Variants in RAB37 observed in about 807,000 individuals in gnomAD.
RAB37 encodes the protein ras-related protein Rab-37.
In RAB37, 29 loss-of-function variants were observed where a neutral mutation model predicts 33.1. The observed-to-expected ratio is 0.88, with a 90% confidence interval of 0.65 to 1.20. RAB37 has a LOEUF of 1.20. RAB37 is among the 50% of genes most tolerant of loss of function. The pLI, the probability that RAB37 is intolerant of heterozygous loss-of-function variation, is 0.00. For synonymous variants in RAB37, 128 were observed against 119.5 expected (o/e 1.07, Z -0.47); for missense variants, 299 against 301.1 (o/e 0.99, Z 0.05).
chr17:74,692,033 T>C (rs540275237), intron 1 of RAB37, among the ~76,000 whole-genome samples: 8 of 151,950 alleles, frequency 5.3e-5, no homozygotes, highest in African/African-American at 1.7e-4. Flanking sequence ...ACCCAGTTAA[T>C]TTTTTTGTAT....
chr17:74,720,081 T>C (rs2034218782), intron 1 of RAB37, among the ~76,000 whole-genome samples: 2 of 152,166 alleles, frequency 1.3e-5, no homozygotes, highest in African/African-American at 4.8e-5. Flanking sequence ...ACAGGAGAGT[T>C]CCTTTGACCC....
At chr17:74,722,752 A>G (rs1044447616) in intron 1 of RAB37, among the ~76,000 whole-genome samples, 3 of 152,200 alleles carry the variant, frequency 2.0e-5, no homozygotes, top group Admixed American at 2.0e-4. Flanking sequence ...TGTCTCGAAA[A>G]TATCTTCCCT....
chr17:74,718,949 A>G (rs572005412), intron 1 of RAB37, among the ~76,000 whole-genome samples: 1 of 152,294 alleles, frequency 6.6e-6, no homozygotes, highest in Admixed American at 6.5e-5. Context: ...AAAAACATAA[A>G]AAGTATGGCA....
intron 1 of RAB37, among the ~76,000 whole-genome samples, chr17:74,705,985 A>G (rs893137089): frequency 6.6e-6 from 1 of 152,216 alleles, no homozygotes; most frequent in Non-Finnish European, 1.5e-5. Context: ...AAGTGAATTA[A>G]CGCAGAAACA....
intron 1 of RAB37, among the ~76,000 whole-genome samples, chr17:74,728,688 G>A (rs1345810974): frequency 2.0e-5 from 3 of 150,896 alleles, no homozygotes; most frequent in Non-Finnish European, 4.4e-5. Context: ...GTGTGCATGT[G>A]TGTTCTGTGC....
At chr17:74,694,590 T>G (rs2032255635) in intron 1 of RAB37, 1 of 152,402 alleles carries the variant, frequency 6.6e-6, no homozygotes, top group East Asian at 1.9e-4. Flanking sequence ...GGTGATATTT[T>G]GGGCCCACCT....
chr17:74,716,294 A>ATGTG (rs141035209), intron 1 of RAB37, among the ~76,000 whole-genome samples: 164 of 152,102 alleles, frequency 1.1e-3, no homozygotes, highest in Non-Finnish European at 1.9e-3. Context: ...GTATGTATGT[A>ATGTG]TGTGTGTGTG....
chr17:74,679,692 C>T (rs2031913609), intron 1 of RAB37, among the ~76,000 whole-genome samples: 1 of 152,052 alleles, frequency 6.6e-6, no homozygotes, highest in Non-Finnish European at 1.5e-5. Context: ...GAAACAAAGG[C>T]CAGATGGCTG....
chr17:74,737,230 C>T (rs1567813569), upstream of RAB37: 6 of 1,537,674 alleles, frequency 3.9e-6, no homozygotes, highest in African/African-American at 1.4e-5. Context: ...CCTGCGCTCT[C>T]CTTCGCCTGC....
intron 1 of RAB37, among the ~76,000 whole-genome samples, chr17:74,723,189 A>G (rs2034263500): frequency 6.6e-6 from 1 of 152,176 alleles, no homozygotes; most frequent in African/African-American, 2.4e-5. Flanking sequence ...AGGAGAAAAT[A>G]CTCGATGGAA....
intron 1 of RAB37, among the ~76,000 whole-genome samples, chr17:74,684,270 T>TTC (rs1474233837): frequency 6.3e-4 from 96 of 151,494 alleles, no homozygotes; most frequent in Non-Finnish European, 1.1e-3. Context: ...TGTTAATTTT[T>TTC]TTTTTTTTTT....
chr17:74,704,424 G>C, intron 1 of RAB37: 1 of 1,280,750 alleles, frequency 7.8e-7, no homozygotes, highest in East Asian at 2.3e-5. Context: ...GGACCTCAGA[G>C]ACCAGGACAG....
chr17:74,702,308 A>G (rs1252272168), intron 1 of RAB37, among the ~76,000 whole-genome samples: 2 of 152,206 alleles, frequency 1.3e-5, no homozygotes, highest in Non-Finnish European at 2.9e-5. Context: ...GACCTGAGCT[A>G]TGGTGTAGAG....
upstream of RAB37, chr17:74,736,494 T>G: frequency 7.1e-7 from 1 of 1,399,830 alleles, no homozygotes; most frequent in Non-Finnish European, 9.3e-7. Flanking sequence ...CATGAATTTA[T>G]TTGGCTCCTC....
At position 74,744,331 on chromosome 17, in the gene RAB37, G is replaced by A. The variant is rs139389285; in HGVS notation, c.390G>A (p.Glu130=). ...AGGCCTGGCTCACTGAGATTCATGA[G>A]TATGCCCAGAGGGACGTGGTGATCA... ...NIRAWLTEIH[E]YAQRDVVIML... Residue 130 remains glutamate (E), a synonymous_variant, in exon 6 of 9, where the codon GAG becomes GAA. Transcript: ENST00000392613. This position sits in a 1 kb window ranked among gnomAD's most constrained non-coding sequence, Gnocchi z 4.2. 8.4e-5 allele frequency: 136 copies of A among 1,613,956 alleles called. No homozygotes were observed. Among genetic ancestry groups the A allele is most frequent in the Non-Finnish European group, 1.1e-4 (131 of 1,179,988 alleles).
chr17:74,723,922 T>C (rs2034274261), intron 1 of RAB37, among the ~76,000 whole-genome samples: 1 of 152,076 alleles, frequency 6.6e-6, no homozygotes, highest in Middle Eastern at 3.2e-3. Flanking sequence ...GAAGGCATGG[T>C]GACAAATCTG....
chr17:74,681,886 C>T (rs976749045), intron 1 of RAB37, among the ~76,000 whole-genome samples: 2 of 152,176 alleles, frequency 1.3e-5, no homozygotes, highest in African/African-American at 4.8e-5. Context: ...CACTACCTGC[C>T]CTGTCCACCA....
At chr17:74,705,235 G>A (rs1281894436) in intron 1 of RAB37, 36 of 702,278 alleles carry the variant, frequency 5.1e-5, no homozygotes, top group Middle Eastern at 2.3e-4. Context: ...CCCTCATGAG[G>A]TCGAGCTGAG....
At chr17:74,719,025 C>T (rs2034204928) in intron 1 of RAB37, among the ~76,000 whole-genome samples, 2 of 152,174 alleles carry the variant, frequency 1.3e-5, no homozygotes, top group African/African-American at 4.8e-5. Context: ...GGAAAAATCC[C>T]TGTATCTTCT....
Sources: allele counts gnomAD v4.1 joint callset (sites outside exome capture counted in the v4.1 genomes callset), GRCh38; gene constraint gnomAD v4.1.1; non-coding constraint Gnocchi (gnomAD v3.1); transcripts MANE v1.5; gene names NCBI Gene and HGNC (gene_info 2026-07-23, HGNC 2026-07-21).